The following CNST variants were observed in gnomAD, a reference collection of about 807,000 sequenced individuals.
CNST encodes consortin, connexin sorting protein, also known as consortin.
CNST carries 39 observed loss-of-function variants against 72.4 expected under a neutral mutation model. The observed-to-expected ratio is 0.54, with a 90% CI of 0.42 to 0.70. The LOEUF (loss-of-function observed/expected upper bound fraction) is 0.70, where lower values mean the gene tolerates loss of function less well. Ranked by LOEUF, CNST falls within the 30% of genes least tolerant of loss-of-function variation. The pLI, the probability that CNST is intolerant of heterozygous loss-of-function variation, is 0.00. For missense variants in CNST, 871 were observed against 868.5 expected (o/e 1.00, Z -0.04); for synonymous variants, 332 against 320.1 (o/e 1.04, Z -0.40).
rs762028751 is a variant in CNST, at chr1:246,641,989, C to T, written c.889C>T (p.Leu297=). The part of the protein sequence containing the change: ...SQERKCSTQL[L]VSEDPKEGGA... ...GGAAAGGAAATGCTCCACGCAGTTACTAGTGTCTGAAGATCCAAAGGAAGG... is the reference window on the plus strand; with the variant it reads ...GGAAAGGAAATGCTCCACGCAGTTATTAGTGTCTGAAGATCCAAAGGAAGG... Residue 297 remains leucine, a synonymous_variant, in exon 8 of 11, where the codon CTA becomes TTA. Coordinates refer to ENST00000366513, the MANE Select transcript of CNST (RefSeq NM_152609.3). 6.2e-7 allele frequency: 1 copy of T among 1,613,048 alleles called. No homozygotes were observed. Among genetic ancestry groups the T allele is most frequent in the Non-Finnish European group, 8.5e-7 (1 of 1,179,476 alleles).
Position 246,577,568 on chromosome 1 carries a change from A to T in CNST, c.-52+10905A>T, listed in dbSNP as rs556613478. The stretch of plus-strand genomic sequence containing the variant: ...TAAAAATTTCGGTAAAGGTGGTCAT[A>T]ATTCTTACAGGAACCAGTTTTATCC... On this transcript the variant is annotated intron_variant, in intron 1 of 10. Transcript: ENST00000366513. Among the ~76,000 whole-genome samples the T allele has an allele frequency of 5.3e-5, 8 of 152,194 alleles. No individual in the cohort carries two copies. In the South Asian group the frequency reaches 8.3e-4, roughly 16 times the overall value.
Position 246,591,609 on chromosome 1 carries a change from A to C in CNST, c.47A>C (p.Gln16Pro). The C allele has an allele frequency of 1.9e-6, 3 of 1,614,196 alleles. No homozygotes were observed. Among genetic ancestry groups the C allele is most frequent in the Non-Finnish European group, 2.5e-6 (3 of 1,179,998 alleles). The change falls in exon 2 of 11, where the codon CAA becomes CCA. Residue 16 changes from glutamine (Q) to proline (P), a missense_variant. Physicochemically the swap from Gln to Pro is moderately conservative, Grantham distance 76 (BLOSUM62 -1). Transcript: ENST00000366513. ...ACATATTATCTGCAAATAGAACCAC[A>C]AGATGGATGTCATCCTGGTGACAGC... Reference protein sequence around the residue: ...TPTYYLQIEPQDGCHPGDSVE... With the variant: ...TPTYYLQIEPPDGCHPGDSVE...
intron 2 of CNST, among the ~76,000 whole-genome samples, chr1:246,614,334 C>G (rs546967005): frequency 6.6e-5 from 10 of 152,156 alleles, no homozygotes; most frequent in Non-Finnish European, 1.5e-4. Context: ...AGAATTTTCT[C>G]CCTGTGGCAT....
rs753606475 is a variant in CNST, at chr1:246,647,915, G to A, written c.1714G>A (p.Asp572Asn). 8.7e-6 allele frequency: 14 copies of A among 1,613,758 alleles called. No homozygotes were observed. The East Asian group carries it at 8.9e-5, about 10-fold the overall frequency. The change falls in exon 9 of 11, where the codon GAC (aspartate) becomes AAC (asparagine). Residue 572 changes from aspartate to asparagine, a missense_variant. Physicochemically the swap from Asp to Asn is conservative, Grantham distance 23. Coordinates refer to ENST00000366513, the MANE Select transcript of CNST (RefSeq NM_152609.3). ...SLSYEDNQDDDSDLLQDLSPE... is the reference protein window; with the variant it reads ...SLSYEDNQDDNSDLLQDLSPE... ...TTCCTATGAAGATAACCAAGACGAC[G>A]ACTCCGATCTCCTTCAAGATCTCTC...
intron 3 of CNST, among the ~76,000 whole-genome samples, chr1:246,627,776 AGTG>A (rs760690087): frequency 1.1e-4 from 17 of 152,288 alleles, no homozygotes; most frequent in Middle Eastern, 6.8e-3. Flanking sequence ...TCTAGGCTAA[AGTG>A]GTGACAGTGG....
chr1:246,611,710 C>A (rs1663326719), intron 2 of CNST, among the ~76,000 whole-genome samples: 1 of 152,092 alleles, frequency 6.6e-6, no homozygotes, highest in Non-Finnish European at 1.5e-5. Context: ...ACCATTTAAT[C>A]CAGCCATTAA....
At chr1:246,586,107 A>ATG (rs1328922749) in intron 1 of CNST, among the ~76,000 whole-genome samples, 1,693 of 42,114 alleles carry the variant, frequency 0.04, 28 homozygotes, top group Non-Finnish European at 0.051. Flanking sequence ...ATATATATAT[A>ATG]TATATGTGTG....
At chr1:246,577,938 C>T (rs1458336044) in intron 1 of CNST, among the ~76,000 whole-genome samples, 1 of 152,002 alleles carries the variant, frequency 6.6e-6, no homozygotes, top group African/African-American at 2.4e-5. Context: ...TCTCAAGTTT[C>T]CCTCTTCTGT....
At chr1:246,576,829 C>G (rs1201488386) in intron 1 of CNST, among the ~76,000 whole-genome samples, 1 of 151,846 alleles carries the variant, frequency 6.6e-6, no homozygotes, top group East Asian at 1.9e-4. Flanking sequence ...TATCCTATTA[C>G]CCCTTCCCTT....
chr1:246,626,704 G>A (rs1189054840), intron 3 of CNST, among the ~76,000 whole-genome samples: 2 of 151,838 alleles, frequency 1.3e-5, no homozygotes, highest in Non-Finnish European at 2.9e-5. Context: ...TGGTCCGCCC[G>A]CCTCAGCCTC....
At chr1:246,591,982 T>G in intron 2 of CNST, 41 bp downstream of exon 2, 1 of 1,480,800 alleles carries the variant, frequency 6.8e-7, no homozygotes, top group Non-Finnish European at 9.1e-7. Flanking sequence ...TTTAATTAAT[T>G]AAAAATGAAC....
At chr1:246,593,025 C>T (rs1444089555) in intron 2 of CNST, among the ~76,000 whole-genome samples, 1 of 152,190 alleles carries the variant, frequency 6.6e-6, no homozygotes, top group Non-Finnish European at 1.5e-5. Context: ...GATTTTACAT[C>T]AGACTCTAGT....
chr1:246,615,469 C>G (rs1173239175), intron 2 of CNST, among the ~76,000 whole-genome samples: 6 of 151,580 alleles, frequency 4.0e-5, no homozygotes, highest in Non-Finnish European at 8.8e-5. Context: ...GCCACTGTGC[C>G]CGGCCACAAA....
At chr1:246,661,315 G>T (rs1667093798) in intron 10 of CNST, among the ~76,000 whole-genome samples, 2 of 151,686 alleles carry the variant, frequency 1.3e-5, no homozygotes, top group South Asian at 2.1e-4. Context: ...ATGAGGTTTT[G>T]CCATGTTGGC....
intron 2 of CNST, among the ~76,000 whole-genome samples, chr1:246,609,631 T>C (rs1663169169): frequency 6.6e-6 from 1 of 152,198 alleles, no homozygotes; most frequent in Admixed American, 6.5e-5. Flanking sequence ...TTCATGGCAT[T>C]GATCAGAACC....
intron 3 of CNST, among the ~76,000 whole-genome samples, chr1:246,623,922 G>A (rs555836682): frequency 2.0e-5 from 3 of 150,164 alleles, no homozygotes; most frequent in African/African-American, 7.3e-5. Context: ...ATGTAGCCAG[G>A]CACGGTGGCG....
intron 9 of CNST, among the ~76,000 whole-genome samples, chr1:246,651,051 A>G (rs567301508): frequency 6.6e-6 from 1 of 152,156 alleles, no homozygotes; most frequent in Non-Finnish European, 1.5e-5. Context: ...TGCTGAGGAT[A>G]CAATGAGAAA....
At chr1:246,575,594 C>T (rs1660352138) in intron 1 of CNST, among the ~76,000 whole-genome samples, 1 of 152,056 alleles carries the variant, frequency 6.6e-6, no homozygotes, top group Non-Finnish European at 1.5e-5. Context: ...AATGGGAAAT[C>T]ACTGCTAGTG....
chr1:246,663,351 AAG>A (rs1015649662), intron 10 of CNST, among the ~76,000 whole-genome samples: 6 of 151,344 alleles, frequency 4.0e-5, no homozygotes, highest in African/African-American at 1.2e-4. Flanking sequence ...AAAAAAAAAA[AAG>A]AAAGACAAGA....
Sources: gnomAD v4.1 joint callset for allele counts (sites outside exome capture counted in the v4.1 genomes callset) on GRCh38, gnomAD v4.1.1 for gene constraint, MANE v1.5 for transcripts, NCBI Gene and HGNC (gene_info 2026-07-23, HGNC 2026-07-21) for gene names.